The following MTHFD1 variants were observed in gnomAD, a reference collection of about 807,000 sequenced individuals.
MTHFD1 encodes C-1-tetrahydrofolate synthase, cytoplasmic.
MTHFD1 carries 44 observed loss-of-function variants against 110.3 expected under a neutral mutation model. That is an observed-to-expected ratio of 0.40 (90% CI 0.31 to 0.51). The LOEUF (loss-of-function observed/expected upper bound fraction) is 0.51. Ranked by LOEUF, MTHFD1 falls within the 20% of genes least tolerant of loss-of-function variation. The pLI, the probability that MTHFD1 is intolerant of heterozygous loss-of-function variation, is 0.60. For synonymous variants in MTHFD1, 402 were observed against 428.8 expected, an observed-to-expected ratio of 0.94 and a Z score of 0.77; for missense variants, 909 against 1,173.1, an observed-to-expected ratio of 0.77 and a Z score of 3.29.
chr14:64,416,163 T>C (rs2078024523), intron 6 of MTHFD1, among the ~76,000 whole-genome samples: 1 of 152,054 alleles, frequency 6.6e-6, no homozygotes, highest in Non-Finnish European at 1.5e-5. Context: ...GAGGATTGAT[T>C]GAACCTGGGA....
chr14:64,454,087 T>C (rs2078423647), intron 25 of MTHFD1, among the ~76,000 whole-genome samples: 1 of 152,172 alleles, frequency 6.6e-6, no homozygotes, highest in African/African-American at 2.4e-5. Flanking sequence ...AAATACAGAA[T>C]GTCTTACCAA....
chr14:64,430,282 G>A (rs1566566746), intron 13 of MTHFD1, 52 bp downstream of exon 13: 10 of 1,543,482 alleles, frequency 6.5e-6, no homozygotes, highest in African/African-American at 1.4e-5. Flanking sequence ...TTTGTCGGGG[G>A]GGAGGGTGCT....
At chr14:64,388,719 G>A in intron 1 of MTHFD1, 1 of 587,568 alleles carries the variant, frequency 1.7e-6, no homozygotes, top group Non-Finnish European at 3.0e-6. Flanking sequence ...GCTCCCAAAC[G>A]CGCAGCTGCT....
At chr14:64,398,222 T>G (rs2077872333) in intron 1 of MTHFD1, among the ~76,000 whole-genome samples, 1 of 152,192 alleles carries the variant, frequency 6.6e-6, no homozygotes, top group African/African-American at 2.4e-5. Context: ...TAGAGAATAC[T>G]GACTTGAAAA....
At chr14:64,400,472 T>G (rs2077887326) in intron 1 of MTHFD1, among the ~76,000 whole-genome samples, 1 of 152,288 alleles carries the variant, frequency 6.6e-6, no homozygotes, top group South Asian at 2.1e-4. Context: ...CTAGATCGCT[T>G]GAGCCCAGGA....
chr14:64,392,934 A>G (rs2077818349), intron 1 of MTHFD1, among the ~76,000 whole-genome samples: 1 of 152,232 alleles, frequency 6.6e-6, no homozygotes, highest in Admixed American at 6.5e-5. Context: ...ATCAAAGATA[A>G]AAGTTTGGAA....
intron 23 of MTHFD1, 124 bp from the exon 24 acceptor site, chr14:64,449,321 C>G: frequency 8.5e-7 from 1 of 1,171,312 alleles, no homozygotes; most frequent in Non-Finnish European, 1.3e-6. Flanking sequence ...CAAACCCAGG[C>G]CAAATTTCTT....
Position 64,426,024 on chromosome 14 carries a change from T to C in MTHFD1, c.959T>C (p.Ile320Thr), listed in dbSNP as rs138454755. The change falls in exon 11 of 28, where the codon ATT (isoleucine) becomes ACT (threonine). Residue 320 changes from isoleucine to threonine, a missense_variant. By Grantham distance (89) the Ile-to-Thr change is moderately conservative (BLOSUM62 -1). Around this residue, in one of 3 missense-constraint regions of MTHFD1, gnomAD observed 424 missense variants for 510.4 expected, o/e 0.83. Coordinates refer to ENST00000652337, the MANE Select transcript of MTHFD1 (RefSeq NM_005956.4). ...TATTTTCTATGTTTCCAAAGTGACATTGATATATCACGATCTTGTAAACCG... is the reference window on the plus strand; with the variant it reads ...TATTTTCTATGTTTCCAAAGTGACACTGATATATCACGATCTTGTAAACCG... ...LNLKTPVPSD[I>T]DISRSCKPKP... 5 of 1,613,442 alleles carry C rather than the reference T, an allele frequency of 3.1e-6. No homozygotes were observed. The East Asian group carries it at 6.7e-5, about 22-fold the overall frequency.
At chr14:64,441,150 C>G in intron 18 of MTHFD1, 1 of 482,802 alleles carries the variant, frequency 2.1e-6, no homozygotes. Flanking sequence ...CGAGATTGCA[C>G]CACTGCACTC....
intron 2 of MTHFD1, among the ~76,000 whole-genome samples, chr14:64,407,281 T>C (rs538358479): frequency 1.3e-5 from 2 of 151,968 alleles, no homozygotes; most frequent in South Asian, 4.2e-4. Context: ...GCCTGGGAAA[T>C]ATAGAGAGAC....
At chr14:64,395,873 G>A (rs2077844565) in intron 1 of MTHFD1, among the ~76,000 whole-genome samples, 1 of 152,174 alleles carries the variant, frequency 6.6e-6, no homozygotes, top group South Asian at 2.1e-4. Flanking sequence ...CATTGTGTGT[G>A]TGGATTAATG....
At chr14:64,433,961 C>T (rs925849827) in intron 15 of MTHFD1, among the ~76,000 whole-genome samples, 16 of 151,936 alleles carry the variant, frequency 1.1e-4, no homozygotes, top group African/African-American at 3.4e-4. Context: ...ACCTGGGAGG[C>T]GGAGGTTGCA....
intron 4 of MTHFD1, among the ~76,000 whole-genome samples, chr14:64,413,381 C>T (rs938041834): frequency 6.6e-6 from 1 of 152,090 alleles, no homozygotes; most frequent in Non-Finnish European, 1.5e-5. Context: ...GATCCTTGGC[C>T]TGTAATTATC....
At chr14:64,432,203 T>C (rs944230305) in intron 15 of MTHFD1, among the ~76,000 whole-genome samples, 42 of 152,348 alleles carry the variant, frequency 2.8e-4, no homozygotes, top group African/African-American at 9.4e-4. Context: ...TAAGCAAATT[T>C]GTTAAATGAC....
At position 64,424,851 on chromosome 14, in the gene MTHFD1, G is replaced by A. The variant is rs1467131345; in HGVS notation, c.775G>A (p.Asp259Asn). The A allele has an allele frequency of 3.1e-6, 5 of 1,614,154 alleles. No homozygotes were observed. Among genetic ancestry groups the A allele is most frequent in the Non-Finnish European group, 4.2e-6 (5 of 1,180,030 alleles). ...GRKVVGDVAY[D>N]EAKERASFIT... Reference sequence around the variant, plus strand: ...AAAAGTTGTGGGTGATGTGGCATACGACGAGGCCAAAGAGAGGGCGAGCTT... The same window carrying A: ...AAAAGTTGTGGGTGATGTGGCATACAACGAGGCCAAAGAGAGGGCGAGCTT... Residue 259 changes from aspartate to asparagine, a missense_variant, in exon 9 of 28, where the codon GAC becomes AAC. Asp to Asn is a conservative substitution (Grantham distance 23). Around this residue, in one of 3 missense-constraint regions of MTHFD1, gnomAD observed 424 missense variants for 510.4 expected, o/e 0.83. Transcript: ENST00000652337.
At chr14:64,428,997 C>T (rs2078138849) in intron 12 of MTHFD1, among the ~76,000 whole-genome samples, 1 of 152,004 alleles carries the variant, frequency 6.6e-6, no homozygotes, top group African/African-American at 2.4e-5. Flanking sequence ...AATTGCCTCA[C>T]TGCACGGTCT....
chr14:64,393,335 G>C (rs1219454209), intron 1 of MTHFD1, among the ~76,000 whole-genome samples: 1 of 152,108 alleles, frequency 6.6e-6, no homozygotes, highest in Non-Finnish European at 1.5e-5. Flanking sequence ...GGAGGAGGAG[G>C]TTGCAGTGAG....
intron 19 of MTHFD1, 175 bp from the exon 20 acceptor site, chr14:64,441,876 TCTC>T: frequency 1.5e-6 from 1 of 674,436 alleles, no homozygotes; most frequent in African/African-American, 1.8e-5. Flanking sequence ...ATCTCTTTCT[TCTC>T]ATTCTTCCTC....
Position 64,459,889 on chromosome 14 carries a change from G to A in MTHFD1, c.*135G>A, listed in dbSNP as rs1390389193. 7 of 1,535,984 alleles carry A rather than the reference G, an allele frequency of 4.6e-6. No homozygotes were observed. Among genetic ancestry groups the A allele is most frequent in the East Asian group, 2.4e-5 (1 of 40,916 alleles). Reference sequence around the variant, plus strand: ...CCAGAAGATCTGAAACTAATAGTAGGAGTTTCCCCAGAAGTCATTTTCAGC... The same window carrying A: ...CCAGAAGATCTGAAACTAATAGTAGAAGTTTCCCCAGAAGTCATTTTCAGC... On this transcript the variant is annotated 3_prime_UTR_variant, in exon 28 of 28. Transcript: ENST00000652337.
Sources: allele counts gnomAD v4.1 joint callset (sites outside exome capture counted in the v4.1 genomes callset), GRCh38; gene constraint gnomAD v4.1.1; regional missense constraint gnomAD v4.1.1; transcripts MANE v1.5; gene names NCBI Gene and HGNC (gene_info 2026-07-23, HGNC 2026-07-21).